Variants in ADAM28 observed in about 807,000 individuals in gnomAD.
The protein encoded by ADAM28 is disintegrin and metalloproteinase domain-containing protein 28.
ADAM28 carries 105 observed loss-of-function variants against 101.2 expected under a neutral mutation model. The ratio of observed to expected loss-of-function variants is 1.04; its 90% confidence interval spans 0.89 to 1.22. ADAM28 has a LOEUF of 1.22. Among genes scored for constraint, ADAM28 ranks in the 50% most tolerant of loss-of-function variants. ADAM28 has a pLI of 0.00. For synonymous variants in ADAM28, 322 were observed against 310.6 expected (o/e 1.04, Z -0.39); for missense variants, 1,028 against 945.4 (o/e 1.09, Z -1.15).
chr8:24,349,564 T>C (rs1174996196), intron 18 of ADAM28, among the ~76,000 whole-genome samples: 1 of 152,196 alleles, frequency 6.6e-6, no homozygotes, highest in East Asian at 1.9e-4. Context: ...CTGTATATTC[T>C]CTTCTAATCT....
At position 24,355,323 on chromosome 8, in the gene ADAM28, A is replaced by G. The variant is rs1364163905; in HGVS notation, c.*919A>G. ...AGCAAACACTATTGGTTTCCTACCA[A>G]ATAATCCCCTTTTTCCTGGCTTTTA... On this transcript the variant is annotated 3_prime_UTR_variant, in exon 23 of 23. Coordinates refer to ENST00000265769, the MANE Select transcript of ADAM28 (RefSeq NM_014265.6). 1.3e-5 allele frequency: 2 copies of G among 152,104 alleles called. No individual in the cohort carries two copies. Among genetic ancestry groups the G allele is most frequent in the African/African-American group, 4.8e-5 (2 of 41,432 alleles). The allele number at this position is 152,104 out of a possible 1,614,324, so 9.4% of individuals were successfully genotyped here.
rs770883752 is a variant in ADAM28, at chr8:24,313,446, C to T, written c.442C>T (p.Arg148Trp). Residue 148 changes from arginine to tryptophan, a missense_variant, in exon 6 of 23, where the codon CGG (arginine) becomes TGG (tryptophan). By Grantham distance (101) the Arg-to-Trp change is moderately radical. Coordinates refer to ENST00000265769, the MANE Select transcript of ADAM28 (RefSeq NM_014265.6). ...YFIEPLSPIH[R>W]DGQEHALFKY... ...TATTGAACCTTTAAGCCCCATACAT[C>T]GGGATGGACAGGAGCATGCACTCTT... The T allele has an allele frequency of 7.2e-5, 116 of 1,613,568 alleles. 1 individual carries two copies. The highest frequency in any genetic ancestry group is 1.3e-4 in the Admixed American group (8 of 59,922).
In ADAM28 at chr8:24,310,245, T is replaced by C. The variant is rs764102670; in HGVS notation, c.306+4T>C. 6.2e-7 allele frequency: 1 copy of C among 1,610,982 alleles called. No individual in the cohort carries two copies. The highest frequency in any genetic ancestry group is 1.1e-5 in the South Asian group (1 of 90,996). Reference sequence around the variant, plus strand: ...CACCACAAGCCCACAAATTATGGTATAACGGAGTCTCTTCAATTCTTTAAT... The same window carrying C: ...CACCACAAGCCCACAAATTATGGTACAACGGAGTCTCTTCAATTCTTTAAT... On this transcript the variant is annotated splice_donor_region_variant and intron_variant, in intron 4 of 22. Transcript: ENST00000265769.
At chr8:24,338,011 A>G (rs1814297702) in intron 14 of ADAM28, among the ~76,000 whole-genome samples, 1 of 152,262 alleles carries the variant, frequency 6.6e-6, no homozygotes, top group African/African-American at 2.4e-5. Flanking sequence ...AGTGTCACAG[A>G]AAACATAACC....
rs5890146 is a variant in ADAM28, at chr8:24,325,871, C to CAAAAAAAAAA, written c.891-663_891-654dup. ...AAGGGCCAGGATCTTGTACAGATAGCAAAAAAAAAAAAAAAAAAAAAAAAA... is the reference window on the plus strand; with the variant it reads ...AAGGGCCAGGATCTTGTACAGATAGCAAAAAAAAAAAAAAAAAAAAAAAAAAAAAAAAAAA... On this transcript the variant is annotated intron_variant, in intron 9 of 22. Transcript: ENST00000265769. Among the ~76,000 whole-genome samples the CAAAAAAAAAA allele has an allele frequency of 1.8e-3, 37 of 20,396 alleles. 1 individual carries two copies. Among genetic ancestry groups the CAAAAAAAAAA allele is most frequent in the African/African-American group, 3.3e-3 (15 of 4,526 alleles). 13.4% of individuals were successfully genotyped at this position (20,396 alleles called of 152,430 possible). A position where few individuals can be genotyped will look rare whatever the true frequency, so the allele number is the denominator to read the frequency against.
intron 21 of ADAM28, among the ~76,000 whole-genome samples, chr8:24,353,265 G>A (rs761207864): frequency 2.2e-4 from 34 of 152,038 alleles, no homozygotes; most frequent in Non-Finnish European, 4.6e-4. Context: ...TTTTCTGTAG[G>A]AGGTAGGGTA....
At position 24,294,113 on chromosome 8, in the gene ADAM28, G is replaced by C. The variant is rs576541353; in HGVS notation, c.-37G>C. ...CAGACCCAGCAGCACCCACCTGAGC[G>C]AGAAGAGCAGACACCGTGCTCCTGG... On this transcript the variant is annotated 5_prime_UTR_variant, in exon 1 of 23. Coordinates refer to ENST00000265769, the MANE Select transcript of ADAM28 (RefSeq NM_014265.6). The C allele has an allele frequency of 1.9e-6, 3 of 1,613,554 alleles. No homozygotes were observed. The Admixed American group carries it at 5.0e-5, about 27-fold the overall frequency.
chr8:24,335,304 A>G (rs1232334380), intron 13 of ADAM28, 142 bp from the exon 14 acceptor site: 1 of 1,358,924 alleles, frequency 7.4e-7, no homozygotes, highest in Non-Finnish European at 9.7e-7. Context: ...GCTTTAATTT[A>G]TGACAATGTA....
chr8:24,318,341 T>C (rs1387625377), intron 6 of ADAM28, among the ~76,000 whole-genome samples: 1 of 151,972 alleles, frequency 6.6e-6, no homozygotes, highest in Non-Finnish European at 1.5e-5. Context: ...CTCATTTCAT[T>C]TCTGTCACCC....
At position 24,332,875 on chromosome 8, in the gene ADAM28, T is replaced by TTA. The variant is rs1214559837; in HGVS notation, c.1371+128_1371+129dup. The TTA allele has an allele frequency of 1.5e-5, 7 of 472,306 alleles. No individual in the cohort carries two copies. In the East Asian group the frequency reaches 2.2e-4, roughly 15 times the overall value. 29.3% of individuals were successfully genotyped at this position (472,306 alleles called of 1,614,324 possible). A position where few individuals can be genotyped will look rare whatever the true frequency, so the allele number is the denominator to read the frequency against. On this transcript the variant is annotated intron_variant, in intron 13 of 22. Coordinates refer to ENST00000265769, the MANE Select transcript of ADAM28 (RefSeq NM_014265.6). ...TTATATAAAATGATATATTTACTATTTATGAAGCACTTACTCAGTGTTCTA... is the reference window on the plus strand; with the variant it reads ...TTATATAAAATGATATATTTACTATTTATATGAAGCACTTACTCAGTGTTCTA...
At chr8:24,328,152 A>T (rs2129300885) in intron 10 of ADAM28, among the ~76,000 whole-genome samples, 1 of 151,884 alleles carries the variant, frequency 6.6e-6, no homozygotes, top group East Asian at 1.9e-4. Flanking sequence ...TCTAGTATAT[A>T]TTTTTTCCTT....
At chr8:24,319,919 T>C (rs1289921479) in intron 6 of ADAM28, among the ~76,000 whole-genome samples, 2 of 151,956 alleles carry the variant, frequency 1.3e-5, no homozygotes, top group African/African-American at 2.4e-5. Context: ...CTATTTTGTG[T>C]CAGGATGGTG....
Position 24,299,069 on chromosome 8 carries a change from T to G in ADAM28, c.47-905T>G, listed in dbSNP as rs530298760. On this transcript the variant is annotated intron_variant, in intron 1 of 22. Transcript: ENST00000265769. ...AAAGCCAGGCATGGTGGTGCACACCTGCAGTCCCAGCTACTCTGGAGGCTG... is the reference window on the plus strand; with the variant it reads ...AAAGCCAGGCATGGTGGTGCACACCGGCAGTCCCAGCTACTCTGGAGGCTG... 8.0e-5 allele frequency among the ~76,000 whole-genome samples: 12 copies of G among 150,448 alleles called. No homozygotes were observed. In the East Asian group the frequency reaches 2.3e-3, roughly 29 times the overall value.
At chr8:24,321,651 G>A (rs1257991702) in intron 8 of ADAM28, among the ~76,000 whole-genome samples, 49 of 151,984 alleles carry the variant, frequency 3.2e-4, no homozygotes, top group Non-Finnish European at 4.4e-5. Flanking sequence ...CACTGTCACA[G>A]TAGCATATTT....
intron 12 of ADAM28, among the ~76,000 whole-genome samples, chr8:24,331,835 CA>C (rs915833557): frequency 3.3e-5 from 5 of 152,086 alleles, no homozygotes; most frequent in African/African-American, 1.2e-4. Context: ...GAGTTATTAC[CA>C]TCAGAAGTTC....
At chr8:24,354,282 C>T (rs1465756849) in intron 22 of ADAM28, 102 bp from the exon 23 acceptor site, 10 of 1,034,368 alleles carry the variant, frequency 9.7e-6, no homozygotes, top group Non-Finnish European at 1.4e-5. Context: ...GAAATAGAAA[C>T]TGACTTCAGA....
intron 18 of ADAM28, among the ~76,000 whole-genome samples, chr8:24,344,645 G>T (rs559620963): frequency 2.6e-5 from 4 of 152,112 alleles, no homozygotes; most frequent in African/African-American, 9.6e-5. Flanking sequence ...AGTGCCCTAT[G>T]ATTTTATTAT....
chr8:24,296,498 A>T (rs936116365), intron 1 of ADAM28, among the ~76,000 whole-genome samples: 1 of 152,210 alleles, frequency 6.6e-6, no homozygotes, highest in Non-Finnish European at 1.5e-5. Context: ...ACACATTTGA[A>T]CGAAAATGAA....
intron 2 of ADAM28, among the ~76,000 whole-genome samples, chr8:24,305,470 TTTTTTTTA>T (rs1466681442): frequency 3.5e-5 from 5 of 141,808 alleles, no homozygotes; most frequent in African/African-American, 8.4e-5. Flanking sequence ...TTTTTTTTTT[TTTTTTTTA>T]AAATATGTCT....
Sources: allele counts gnomAD v4.1 joint callset (sites outside exome capture counted in the v4.1 genomes callset), GRCh38; gene constraint gnomAD v4.1.1; transcripts MANE v1.5; gene names NCBI Gene and HGNC (gene_info 2026-07-23, HGNC 2026-07-21).